The following SLC30A8 variants were observed in gnomAD, a reference collection of about 807,000 sequenced individuals.
SLC30A8 encodes the protein proton-coupled zinc antiporter SLC30A8.
A neutral mutation model predicts 36.9 loss-of-function variants in SLC30A8; 27 were observed. The observed-to-expected ratio is 0.73, with a 90% CI of 0.54 to 1.01. The LOEUF is 1.01. Among genes scored for constraint, SLC30A8 ranks in the 50% least tolerant of loss-of-function variants. The pLI, the probability that SLC30A8 is intolerant of heterozygous loss-of-function variation, is 0.00. For synonymous variants in SLC30A8, 164 were observed against 172.4 expected (o/e 0.95, Z 0.38); for missense variants, 439 against 452.0 (o/e 0.97, Z 0.26).
intron 2 of SLC30A8, among the ~76,000 whole-genome samples, chr8:117,109,158 C>T (rs903061433): frequency 1.7e-4 from 26 of 152,268 alleles, no homozygotes; most frequent in African/African-American, 6.0e-4. Flanking sequence ...AGGGATTGGA[C>T]ACACTGATTG....
chr8:117,018,298 TAAG>T (rs1425762258), intron 1 of SLC30A8: 4 of 152,286 alleles, frequency 2.6e-5, no homozygotes, highest in South Asian at 2.1e-4. Flanking sequence ...TTGTAAAAGG[TAAG>T]AAGAATTAGT....
At chr8:117,026,173 A>T (rs1041399424) in intron 1 of SLC30A8, among the ~76,000 whole-genome samples, 4 of 152,180 alleles carry the variant, frequency 2.6e-5, no homozygotes, top group Non-Finnish European at 5.9e-5. Context: ...TGCTTCAGTT[A>T]TAATTAACTT....
intron 2 of SLC30A8, among the ~76,000 whole-genome samples, chr8:117,064,070 T>A (rs959381351): frequency 1.3e-5 from 2 of 152,006 alleles, no homozygotes; most frequent in African/African-American, 2.4e-5. Flanking sequence ...TGATCTCCAC[T>A]CACTGCAACC....
At chr8:117,044,869 C>T (rs1274745416) in intron 2 of SLC30A8, among the ~76,000 whole-genome samples, 2 of 152,330 alleles carry the variant, frequency 1.3e-5, no homozygotes, top group East Asian at 3.9e-4. Flanking sequence ...GCTTCAAACG[C>T]AGGCTCCTGC....
At chr8:116,976,188 G>A (rs957506780) in intron 1 of SLC30A8, among the ~76,000 whole-genome samples, 9 of 150,740 alleles carry the variant, frequency 6.0e-5, no homozygotes, top group Non-Finnish European at 8.8e-5. Flanking sequence ...GTGTGGTGAC[G>A]CACGCCTGTA....
chr8:117,045,426 G>A (rs934553873), intron 2 of SLC30A8, among the ~76,000 whole-genome samples: 2 of 151,998 alleles, frequency 1.3e-5, no homozygotes, highest in Non-Finnish European at 2.9e-5. Flanking sequence ...ATTCATCAAA[G>A]AGACCCCTAA....
chr8:116,980,645 C>T (rs544409690), intron 1 of SLC30A8, among the ~76,000 whole-genome samples: 1 of 152,282 alleles, frequency 6.6e-6, no homozygotes, highest in South Asian at 2.1e-4. Context: ...CACACAGCAA[C>T]TGGAAGATGA....
chr8:117,119,416 A>G (rs1359968452), intron 2 of SLC30A8, among the ~76,000 whole-genome samples: 1 of 150,208 alleles, frequency 6.7e-6, no homozygotes, highest in East Asian at 2.0e-4. Context: ...CTGCTGGCCA[A>G]TGCCAGGGTT....
chr8:117,168,259 C>G (rs1823165276), intron 6 of SLC30A8, among the ~76,000 whole-genome samples: 1 of 151,750 alleles, frequency 6.6e-6, no homozygotes, highest in Admixed American at 6.6e-5. Context: ...CAATTTCTTT[C>G]CCCTCAACAG....
At chr8:117,065,199 C>T (rs1375641001) in intron 2 of SLC30A8, among the ~76,000 whole-genome samples, 2 of 152,070 alleles carry the variant, frequency 1.3e-5, no homozygotes, top group African/African-American at 4.8e-5. Context: ...ACGACCTGAA[C>T]ATTAAATCTG....
At chr8:116,977,367 A>G (rs1370080767) in intron 1 of SLC30A8, among the ~76,000 whole-genome samples, 4 of 145,564 alleles carry the variant, frequency 2.7e-5, no homozygotes, top group South Asian at 4.3e-4. Context: ...GTTAGCCAGG[A>G]TGGTATTGAT....
chr8:116,967,766 A>T (rs947045634), intron 1 of SLC30A8, among the ~76,000 whole-genome samples: 1 of 152,220 alleles, frequency 6.6e-6, no homozygotes, highest in African/African-American at 2.4e-5. Flanking sequence ...AGATTAATAC[A>T]TGAAACAAAA....
At chr8:117,023,190 A>T (rs2130726910) in intron 1 of SLC30A8, among the ~76,000 whole-genome samples, 1 of 152,370 alleles carries the variant, frequency 6.6e-6, no homozygotes, top group South Asian at 2.1e-4. Flanking sequence ...CACACCAGTT[A>T]GAATGGCTAT....
At chr8:117,028,289 T>A (rs1470102577) in intron 1 of SLC30A8, among the ~76,000 whole-genome samples, 1 of 152,198 alleles carries the variant, frequency 6.6e-6, no homozygotes, top group Non-Finnish European at 1.5e-5. Context: ...ATTTTTAAAA[T>A]GCAGCATAAA....
chr8:117,053,138 C>T (rs190607304), intron 2 of SLC30A8, among the ~76,000 whole-genome samples: 56 of 152,228 alleles, frequency 3.7e-4, no homozygotes, highest in African/African-American at 1.3e-3. Context: ...TGGTCTCGAT[C>T]TCCTGGCCTC....
intron 2 of SLC30A8, among the ~76,000 whole-genome samples, chr8:117,063,306 T>C (rs540558941): frequency 1.7e-4 from 26 of 152,238 alleles, no homozygotes; most frequent in African/African-American, 6.3e-4. Context: ...CAGAGCAGGA[T>C]TTTGCGTGGG....
intron 2 of SLC30A8, among the ~76,000 whole-genome samples, chr8:117,110,116 G>A (rs1037806205): frequency 6.6e-6 from 1 of 152,130 alleles, no homozygotes; most frequent in African/African-American, 2.4e-5. Flanking sequence ...ATAAAAGCAT[G>A]TTGATTCAAA....
intron 2 of SLC30A8, among the ~76,000 whole-genome samples, chr8:117,089,385 A>G (rs1421316103): frequency 6.6e-6 from 1 of 152,124 alleles, no homozygotes; most frequent in Non-Finnish European, 1.5e-5. Context: ...TCCCCAAACA[A>G]GATTCTTTTT....
chr8:116,967,084 A>G (rs1195841867), intron 1 of SLC30A8, among the ~76,000 whole-genome samples: 7 of 152,226 alleles, frequency 4.6e-5, no homozygotes, highest in Admixed American at 1.3e-4. Flanking sequence ...GTGAAATGTA[A>G]GGGTATGCAT....
Sources: gnomAD v4.1 joint callset for allele counts (sites outside exome capture counted in the v4.1 genomes callset) on GRCh38, gnomAD v4.1.1 for gene constraint, MANE v1.5 for transcripts, NCBI Gene and HGNC (gene_info 2026-07-23, HGNC 2026-07-21) for gene names.